The following INPP4A variants were observed in gnomAD, a reference collection of about 807,000 sequenced individuals.
INPP4A encodes inositol polyphosphate-4-phosphatase type I A.
INPP4A carries 33 observed loss-of-function variants against 119.8 expected under a neutral mutation model. The observed-to-expected ratio is 0.28, with a 90% CI of 0.21 to 0.37. The LOEUF is 0.37. Ranked by LOEUF, INPP4A falls within the 10% of genes least tolerant of loss-of-function variation. INPP4A has a pLI of 1.00. For missense variants in INPP4A, 956 were observed against 1,289.9 expected, an observed-to-expected ratio of 0.74 and a Z score of 3.97; for synonymous variants, 496 against 500.7, an observed-to-expected ratio of 0.99 and a Z score of 0.12.
At chr2:98,480,722 C>T (rs1201682251) in intron 1 of INPP4A, among the ~76,000 whole-genome samples, 3 of 152,186 alleles carry the variant, frequency 2.0e-5, no homozygotes, top group Non-Finnish European at 2.9e-5. Flanking sequence ...CCATCCCTTG[C>T]CAGGCAGAAT....
intron 1 of INPP4A, among the ~76,000 whole-genome samples, chr2:98,482,850 CT>C (rs1678757897): frequency 6.6e-6 from 1 of 152,226 alleles, no homozygotes; most frequent in African/African-American, 2.4e-5. Context: ...CATCCCTGAT[CT>C]GAAAATCCAA....
In INPP4A at chr2:98,564,775, G is replaced by A. The variant is rs771341697; in HGVS notation, c.2152+12G>A. ...GCTGAGCACCTACGGTGAGGCGCCC[G>A]GGCCAGGATCGGGAGCCCCACTTGC... On this transcript the variant is annotated intron_variant, in intron 19 of 24. Transcript: ENST00000409851. 9.5e-6 allele frequency: 15 copies of A among 1,570,776 alleles called. No individual in the cohort carries two copies. Among genetic ancestry groups the A allele is most frequent in the African/African-American group, 5.4e-5 (4 of 73,884 alleles).
rs1700122441 is a variant in INPP4A at position 98,588,156 on chromosome 2, T to C, written c.*548T>C. 4.7e-6 allele frequency: 1 copy of C among 211,414 alleles called. No individual in the cohort carries two copies. Among genetic ancestry groups the C allele is most frequent in the Non-Finnish European group, 9.6e-6 (1 of 104,292 alleles). 13.1% of individuals were successfully genotyped at this position (211,414 alleles called of 1,614,324 possible). On this transcript the variant is annotated 3_prime_UTR_variant, in exon 25 of 25. Coordinates refer to ENST00000409851, the MANE Select transcript of INPP4A (RefSeq NM_001134225.2). ...TTCTAGTGAATTATCCTATCTACAC[T>C]ACCACCTGAAGAAGTTGAAAGAAAG...
chr2:98,589,844 AAAAAG>A lies in INPP4A; in HGVS notation c.*2243_*2247del, dbSNP rs1422680656. The A allele has an allele frequency of 5.2e-6, 1 of 191,310 alleles. No homozygotes were observed. Among genetic ancestry groups the A allele is most frequent in the Non-Finnish European group, 1.1e-5 (1 of 91,314 alleles). The allele number at this position is 191,310 out of a possible 1,614,324, so 11.9% of individuals were successfully genotyped here. A position where few individuals can be genotyped will look rare whatever the true frequency, so the allele number is the denominator to read the frequency against. On this transcript the variant is annotated 3_prime_UTR_variant, in exon 25 of 25. Coordinates refer to ENST00000409851, the MANE Select transcript of INPP4A (RefSeq NM_001134225.2). ...TGTTCCTTATGATGCCTCCCCATTT[AAAAAG>A]AAAAGAGATCTATGGAAAACTGGGA...
At chr2:98,586,276 A>G (rs1047495054) in intron 24 of INPP4A, among the ~76,000 whole-genome samples, 2 of 152,110 alleles carry the variant, frequency 1.3e-5, no homozygotes, top group African/African-American at 2.4e-5. Flanking sequence ...AGTATTTTAC[A>G]TGTTCTTGAT....
At position 98,589,101 on chromosome 2, in the gene INPP4A, C is replaced by T; in HGVS notation, c.*1493C>T. ...CTCAGAAGTCAGCATGCAAGCAGCG[C>T]CTGCTGTCTCCCGATGCCTGCAGGG... is the stretch of plus-strand genomic sequence containing the variant. On this transcript the variant is annotated 3_prime_UTR_variant, in exon 25 of 25. Transcript: ENST00000409851. 5.6e-6 allele frequency: 1 copy of T among 179,886 alleles called. No individual in the cohort carries two copies. Among genetic ancestry groups the T allele is most frequent in the East Asian group, 9.2e-5 (1 of 10,848 alleles). The allele number at this position is 179,886 out of a possible 1,614,324, so 11.1% of individuals were successfully genotyped here.
chr2:98,563,434 CATT>C lies in INPP4A; in HGVS notation c.1856-30_1856-28del, dbSNP rs761852240. 9.4e-6 allele frequency: 15 copies of C among 1,594,648 alleles called. No homozygotes were observed. In the Admixed American group the frequency reaches 2.6e-4, roughly 27 times the overall value. ...AACCTAATTCTTAAAATCTCTCTCT[CATT>C]GTGATGACCCCTTCGCTTGTGCCCC... On this transcript the variant is annotated intron_variant, in intron 17 of 24. Coordinates refer to ENST00000409851, the MANE Select transcript of INPP4A (RefSeq NM_001134225.2).
intron 1 of INPP4A, among the ~76,000 whole-genome samples, chr2:98,472,184 G>A (rs929804555): frequency 4.6e-5 from 7 of 152,202 alleles, no homozygotes; most frequent in African/African-American, 1.7e-4. Flanking sequence ...GACCTACAGG[G>A]GCCAAGGAGG....
rs372746437 is a variant in INPP4A, at chr2:98,454,892, A to G, written c.-166+9807A>G. On this transcript the variant is annotated intron_variant, in intron 1 of 24. Transcript: ENST00000409851. The stretch of plus-strand genomic sequence containing the variant: ...AGGACTAAGGATTGTATGAGCTGAA[A>G]TGTTGAGTATTTTCACATTTCTTAT... 7.2e-5 allele frequency among the ~76,000 whole-genome samples: 11 copies of G among 152,308 alleles called. No individual in the cohort carries two copies. In the East Asian group the frequency reaches 9.6e-4, roughly 13 times the overall value.
At chr2:98,479,656 T>C (rs1274174154) in intron 1 of INPP4A, among the ~76,000 whole-genome samples, 2 of 152,186 alleles carry the variant, frequency 1.3e-5, no homozygotes, top group Non-Finnish European at 2.9e-5. Flanking sequence ...GTCTCATAGA[T>C]AAAACATCTG....
At chr2:98,575,410 T>C (rs1472808169) in intron 23 of INPP4A, among the ~76,000 whole-genome samples, 1 of 152,280 alleles carries the variant, frequency 6.6e-6, no homozygotes, top group Non-Finnish European at 1.5e-5. Context: ...TCATGAACTC[T>C]ACAGCCCACA....
chr2:98,497,581 A>G lies in INPP4A; in HGVS notation c.-165-21383A>G, dbSNP rs529035593. On this transcript the variant is annotated intron_variant, in intron 1 of 24. Transcript: ENST00000409851. Reference sequence around the variant, plus strand: ...AAATGTCTATTCAGATCTTTTGCCCATTTTTAAATTGGATTATTTGTTTTC... The same window carrying G: ...AAATGTCTATTCAGATCTTTTGCCCGTTTTTAAATTGGATTATTTGTTTTC... Among the ~76,000 whole-genome samples the G allele has an allele frequency of 3.9e-4, 60 of 152,330 alleles. 1 individual carries two copies. In the South Asian group the frequency reaches 0.012, roughly 31 times the overall value.
In INPP4A at chr2:98,570,533, A is replaced by G. The variant is rs1350537838; in HGVS notation, c.2518+1865A>G. Among the ~76,000 whole-genome samples the G allele has an allele frequency of 6.6e-6, 1 of 152,078 alleles. No individual in the cohort carries two copies. The highest frequency in any genetic ancestry group is 1.5e-5 in the Non-Finnish European group (1 of 68,006). On this transcript the variant is annotated intron_variant, in intron 22 of 24. Transcript: ENST00000409851. The surrounding 1 kb of genome is among the most constrained non-coding windows in gnomAD (Gnocchi z 4.3). The stretch of plus-strand genomic sequence containing the variant: ...ATGAAATGGTGCTGCCCTGGAATGG[A>G]CCACTTTGTCCCAAAGACTGTCAGC...
intron 1 of INPP4A, among the ~76,000 whole-genome samples, chr2:98,518,389 T>C (rs1318615321): frequency 6.6e-6 from 1 of 152,208 alleles, no homozygotes. Context: ...GGTCATCTGA[T>C]TCCCCGACCC....
intron 24 of INPP4A, among the ~76,000 whole-genome samples, chr2:98,578,033 G>A (rs955437686): frequency 2.0e-5 from 3 of 152,098 alleles, no homozygotes; most frequent in Non-Finnish European, 2.9e-5. Context: ...AAAGCGACGC[G>A]TGAGCTCCTG....
intron 1 of INPP4A, among the ~76,000 whole-genome samples, chr2:98,464,005 G>A (rs1674187291): frequency 6.6e-6 from 1 of 152,138 alleles, no homozygotes; most frequent in African/African-American, 2.4e-5. Context: ...AAGAATGGGT[G>A]CAAAAAAGAT....
Position 98,546,080 on chromosome 2 carries a change from A to G in INPP4A, c.1054+7A>G, listed in dbSNP as rs1264080008. On this transcript the variant is annotated splice_region_variant and intron_variant, in intron 12 of 24. Transcript: ENST00000409851. The surrounding 1 kb of genome is among the most constrained non-coding windows in gnomAD (Gnocchi z 4.2). ...CAAGACGATGGAGGATCAGGTACCT[A>G]TTTTTCTGCTCCCTCTTGTTGAATC... 2 of 1,546,296 alleles carry G rather than the reference A, an allele frequency of 1.3e-6. No individual in the cohort carries two copies. The highest frequency in any genetic ancestry group is 1.9e-5 in the Admixed American group (1 of 52,550).
intron 17 of INPP4A, 134 bp from the exon 18 acceptor site, chr2:98,563,329 CAG>C (rs1695830180): frequency 1.2e-6 from 1 of 833,114 alleles, no homozygotes; most frequent in Non-Finnish European, 1.9e-6. Context: ...TGGTTCCAGA[CAG>C]AGCTGGAAGA....
intron 1 of INPP4A, among the ~76,000 whole-genome samples, chr2:98,490,755 A>G (rs1007189154): frequency 1.3e-5 from 2 of 152,166 alleles, no homozygotes; most frequent in Admixed American, 6.5e-5. Context: ...AGAATCTCCA[A>G]CAGTCACCTG....
Sources: gnomAD v4.1 joint callset for allele counts (sites outside exome capture counted in the v4.1 genomes callset) on GRCh38, gnomAD v4.1.1 for gene constraint, Gnocchi (gnomAD v3.1) non-coding constraint, MANE v1.5 for transcripts, NCBI Gene and HGNC (gene_info 2026-07-23, HGNC 2026-07-21) for gene names.